MAGI2: variants seen among roughly 807,000 people sequenced by gnomAD.
MAGI2 encodes the protein membrane-associated guanylate kinase, WW and PDZ domain-containing protein 2.
MAGI2 carries 35 observed loss-of-function variants against 133.3 expected under a neutral mutation model. The ratio of observed to expected loss-of-function variants is 0.26; its 90% CI spans 0.20 to 0.35. The LOEUF is 0.35. MAGI2 is among the 10% of genes least tolerant of loss of function. The pLI is 1.00. For synonymous variants in MAGI2, 729 were observed against 710.6 expected, an observed-to-expected ratio of 1.03 and a Z score of -0.41; for missense variants, 1,636 against 1,863.4, an observed-to-expected ratio of 0.88 and a Z score of 2.25.
chr7:78,803,493 T>A (rs989895042), intron 2 of MAGI2, among the ~76,000 whole-genome samples: 3 of 152,182 alleles, frequency 2.0e-5, no homozygotes, highest in African/African-American at 7.2e-5. Context: ...ATTTATTTTT[T>A]TTTTTTGCAA....
rs1236914050 is a variant in MAGI2, at chr7:78,697,680, T to G, written c.419-70441A>C. Among the ~76,000 whole-genome samples the G allele has an allele frequency of 1.3e-5, 2 of 152,158 alleles. 1 individual carries two copies. The highest frequency in any genetic ancestry group is 2.9e-5 in the Non-Finnish European group (2 of 68,010). ...GAGCAAATGTCTTTTTTAACCTCAC[T>G]GTAAAAAATACAATGGACATTTCCT... On this transcript the variant is annotated intron_variant, in intron 2 of 21. Coordinates refer to ENST00000354212, the MANE Select transcript of MAGI2 (RefSeq NM_012301.4).
chr7:78,136,690 T>A (rs1273416619), intron 16 of MAGI2, among the ~76,000 whole-genome samples: 1 of 152,224 alleles, frequency 6.6e-6, no homozygotes, highest in Non-Finnish European at 1.5e-5. Flanking sequence ...CCCTATGGAA[T>A]CAGGTACTGC....
At chr7:79,155,239 T>G (rs1823655769) in intron 1 of MAGI2, among the ~76,000 whole-genome samples, 1 of 144,026 alleles carries the variant, frequency 6.9e-6, no homozygotes, top group Non-Finnish European at 1.5e-5. Context: ...ATGATCAATG[T>G]TTTAAAGTCA....
intron 1 of MAGI2, among the ~76,000 whole-genome samples, chr7:79,344,538 G>T (rs1233824885): frequency 2.0e-5 from 3 of 152,038 alleles, no homozygotes; most frequent in Admixed American, 1.3e-4. Flanking sequence ...AAAGAAATAG[G>T]ATTTCTTATG....
chr7:78,940,149 A>C (rs1800855662), intron 2 of MAGI2, among the ~76,000 whole-genome samples: 1 of 152,208 alleles, frequency 6.6e-6, no homozygotes. Flanking sequence ...TAATAATAAT[A>C]CATATCACTT....
Position 79,219,710 on chromosome 7 carries a change from T to C in MAGI2, c.302-212504A>G, listed in dbSNP as rs191077370. Among the ~76,000 whole-genome samples the C allele has an allele frequency of 2.1e-3, 312 of 152,178 alleles. 2 individuals carry two copies. The highest frequency in any genetic ancestry group is 7.2e-3 in the African/African-American group (299 of 41,444). On this transcript the variant is annotated intron_variant, in intron 1 of 21. Coordinates refer to ENST00000354212, the MANE Select transcript of MAGI2 (RefSeq NM_012301.4). ...ATTTTTAGAATGTCTTATATTTCAG[T>C]GCCTTCACATTTGCAAATCTTAATT...
intron 1 of MAGI2, among the ~76,000 whole-genome samples, chr7:79,175,434 T>G (rs1826009499): frequency 6.6e-6 from 1 of 151,966 alleles, no homozygotes; most frequent in Admixed American, 6.6e-5. Context: ...TTTCTAAGGA[T>G]TTCCCTAAAT....
intron 6 of MAGI2, among the ~76,000 whole-genome samples, chr7:78,378,385 A>G (rs948042277): frequency 6.6e-6 from 1 of 152,112 alleles, no homozygotes; most frequent in East Asian, 1.9e-4. Context: ...AACTATATCT[A>G]TATATTGAAA....
chr7:79,167,050 G>A (rs914633823), intron 1 of MAGI2, among the ~76,000 whole-genome samples: 1 of 151,976 alleles, frequency 6.6e-6, no homozygotes, highest in Non-Finnish European at 1.5e-5. Flanking sequence ...CAGGCTTGTT[G>A]AAGTTTGAGA....
In MAGI2 at chr7:78,314,911, T is replaced by C. The variant is rs192224896; in HGVS notation, c.1408+28867A>G. ...TTTCTATTAGAGGATAGGACACGGA[T>C]ATCAGAGTTAACTGTTGGGTATACC... On this transcript the variant is annotated intron_variant, in intron 9 of 21. Coordinates refer to ENST00000354212, the MANE Select transcript of MAGI2 (RefSeq NM_012301.4). Among the ~76,000 whole-genome samples, 1,024 of 152,280 alleles carry C rather than the reference T, an allele frequency of 6.7e-3. 12 individuals carry two copies. Among genetic ancestry groups the C allele is most frequent in the Non-Finnish European group, 6.8e-3 (465 of 68,012 alleles).
At chr7:79,371,562 A>G (rs1206217453) in intron 1 of MAGI2, among the ~76,000 whole-genome samples, 2 of 152,140 alleles carry the variant, frequency 1.3e-5, no homozygotes, top group African/African-American at 4.8e-5. Context: ...AGCATTCGAT[A>G]TAGTAATATG....
At chr7:78,725,446 T>C (rs184346965) in intron 2 of MAGI2, among the ~76,000 whole-genome samples, 18 of 152,362 alleles carry the variant, frequency 1.2e-4, no homozygotes, top group Non-Finnish European at 2.2e-4. Flanking sequence ...ACACGCACTA[T>C]GCAACTGTTT....
chr7:78,676,786 C>T (rs1815085107), intron 2 of MAGI2, among the ~76,000 whole-genome samples: 2 of 152,066 alleles, frequency 1.3e-5, no homozygotes, highest in Non-Finnish European at 2.9e-5. Context: ...TATACTAATG[C>T]TAGCATCAAT....
intron 2 of MAGI2, among the ~76,000 whole-genome samples, chr7:78,685,275 G>A (rs1285877666): frequency 1.3e-5 from 2 of 152,148 alleles, no homozygotes; most frequent in Non-Finnish European, 2.9e-5. Context: ...TTTTGTTAAT[G>A]AGAATAATTG....
At chr7:78,098,068 T>A (rs537239952) in intron 20 of MAGI2, among the ~76,000 whole-genome samples, 2 of 152,272 alleles carry the variant, frequency 1.3e-5, no homozygotes, top group South Asian at 2.1e-4. Flanking sequence ...GAGTTGAGAA[T>A]AATAAAACAC....
At chr7:78,033,969 A>G (rs1397021572) in intron 21 of MAGI2, among the ~76,000 whole-genome samples, 1 of 152,214 alleles carries the variant, frequency 6.6e-6, no homozygotes, top group Non-Finnish European at 1.5e-5. Context: ...TTACCTAAAC[A>G]GATGAGTCAA....
chr7:78,341,256 A>T (rs972511533), intron 9 of MAGI2, among the ~76,000 whole-genome samples: 4 of 152,292 alleles, frequency 2.6e-5, no homozygotes, highest in East Asian at 1.9e-4. Context: ...CTTACGAGGG[A>T]TGTGAAGGAC....
At chr7:78,724,711 C>A (rs1347036636) in intron 2 of MAGI2, among the ~76,000 whole-genome samples, 1 of 152,190 alleles carries the variant, frequency 6.6e-6, no homozygotes, top group Admixed American at 6.5e-5. Flanking sequence ...TCTTGTACAG[C>A]AATTCCAGCA....
chr7:78,986,023 A>G (rs1309429759), intron 2 of MAGI2, among the ~76,000 whole-genome samples: 1 of 152,058 alleles, frequency 6.6e-6, no homozygotes, highest in East Asian at 1.9e-4. Context: ...TTTGTCACAT[A>G]CTATCAGTTA....
Sources: allele counts gnomAD v4.1 joint callset (sites outside exome capture counted in the v4.1 genomes callset), GRCh38; gene constraint gnomAD v4.1.1; transcripts MANE v1.5; gene names NCBI Gene and HGNC (gene_info 2026-07-23, HGNC 2026-07-21).